The following LRRTM4 variants were observed in gnomAD, a reference collection of about 807,000 sequenced individuals.
LRRTM4 encodes leucine-rich repeat transmembrane neuronal protein 4.
LRRTM4 carries 25 observed loss-of-function variants against 47.6 expected under a neutral mutation model. The observed-to-expected ratio is 0.53, with a 90% CI of 0.38 to 0.73. The LOEUF (loss-of-function observed/expected upper bound fraction) is 0.73, where lower values mean the gene tolerates loss of function less well. Among genes scored for constraint, LRRTM4 ranks in the 30% least tolerant of loss-of-function variants. The pLI, the probability that LRRTM4 is intolerant of heterozygous loss-of-function variation, is 0.00. For synonymous variants in LRRTM4, 311 were observed against 269.5 expected, an observed-to-expected ratio of 1.15 and a Z score of -1.51; for missense variants, 638 against 713.4, an observed-to-expected ratio of 0.89 and a Z score of 1.20.
intron 3 of LRRTM4, among the ~76,000 whole-genome samples, chr2:77,445,436 C>T (rs1383355750): frequency 6.6e-6 from 1 of 151,812 alleles, no homozygotes; most frequent in African/African-American, 2.4e-5. Context: ...ACCAAATGCC[C>T]AGCATATTTT....
intron 3 of LRRTM4, among the ~76,000 whole-genome samples, chr2:76,930,677 A>C (rs1674742078): frequency 6.6e-6 from 1 of 152,132 alleles, no homozygotes; most frequent in Admixed American, 6.5e-5. Flanking sequence ...GGAAGGAGCA[A>C]TGGATGTGGA....
At chr2:77,334,073 G>T (rs1406140373) in intron 3 of LRRTM4, among the ~76,000 whole-genome samples, 1 of 152,046 alleles carries the variant, frequency 6.6e-6, no homozygotes, top group Non-Finnish European at 1.5e-5. Context: ...TCTTTGTGTT[G>T]GCCAAATTCT....
At chr2:77,134,206 T>A (rs1671873912) in intron 3 of LRRTM4, among the ~76,000 whole-genome samples, 1 of 152,114 alleles carries the variant, frequency 6.6e-6, no homozygotes, top group Non-Finnish European at 1.5e-5. Flanking sequence ...ACATTTTTGT[T>A]CTAAAGAAAG....
chr2:77,242,916 A>T (rs1448996627), intron 3 of LRRTM4, among the ~76,000 whole-genome samples: 1 of 152,180 alleles, frequency 6.6e-6, no homozygotes. Flanking sequence ...AAAAGTATCT[A>T]TACACCCGTG....
chr2:77,021,868 T>G (rs75116199), intron 3 of LRRTM4, among the ~76,000 whole-genome samples: 2 of 152,210 alleles, frequency 1.3e-5, no homozygotes, highest in Admixed American at 1.3e-4. Context: ...GTTTAATGAT[T>G]GCCACACCCA....
chr2:77,229,681 T>C (rs1674911399), intron 3 of LRRTM4, among the ~76,000 whole-genome samples: 1 of 152,106 alleles, frequency 6.6e-6, no homozygotes, highest in Admixed American at 6.6e-5. Context: ...ACCTCTGCAG[T>C]CTATGGCATC....
intron 3 of LRRTM4, among the ~76,000 whole-genome samples, chr2:77,213,092 T>C (rs1387398817): frequency 6.6e-6 from 1 of 152,176 alleles, no homozygotes; most frequent in Non-Finnish European, 1.5e-5. Flanking sequence ...GAATAGTAAT[T>C]TTCCTAGACA....
At chr2:77,295,879 A>G (rs1676959921) in intron 3 of LRRTM4, among the ~76,000 whole-genome samples, 2 of 152,140 alleles carry the variant, frequency 1.3e-5, no homozygotes, top group South Asian at 4.1e-4. Context: ...AGATATTTGG[A>G]CATTCTGAGG....
intron 3 of LRRTM4, among the ~76,000 whole-genome samples, chr2:77,327,752 C>T (rs1180457259): frequency 6.6e-6 from 1 of 151,844 alleles, no homozygotes; most frequent in Non-Finnish European, 1.5e-5. Context: ...AGGGTTATCC[C>T]CCTTGAAACC....
intron 3 of LRRTM4, among the ~76,000 whole-genome samples, chr2:76,845,670 G>A (rs1671817292): frequency 6.6e-6 from 1 of 152,164 alleles, no homozygotes; most frequent in Non-Finnish European, 1.5e-5. Flanking sequence ...CACCAGGGGA[G>A]CTAACATGAA....
intron 3 of LRRTM4, among the ~76,000 whole-genome samples, chr2:76,788,174 T>G (rs548742904): frequency 1.3e-5 from 2 of 152,096 alleles, no homozygotes; most frequent in Non-Finnish European, 2.9e-5. Flanking sequence ...AAATAAATAG[T>G]TCCAGTAGAA....
chr2:77,285,640 G>A (rs1676634952), intron 3 of LRRTM4, among the ~76,000 whole-genome samples: 1 of 151,796 alleles, frequency 6.6e-6, no homozygotes, highest in Admixed American at 6.6e-5. Flanking sequence ...TACTTGGGAG[G>A]CTGAGGCAGG....
At chr2:76,749,581 G>A (rs1048331544) in intron 3 of LRRTM4, among the ~76,000 whole-genome samples, 12 of 152,082 alleles carry the variant, frequency 7.9e-5, no homozygotes. Flanking sequence ...ACATCTTTAT[G>A]TTCATAATAT....
chr2:76,917,161 C>G (rs1674280365), intron 3 of LRRTM4, among the ~76,000 whole-genome samples: 2 of 152,150 alleles, frequency 1.3e-5, no homozygotes, highest in South Asian at 4.1e-4. Flanking sequence ...CTCTACCATT[C>G]TAGCATGAAA....
At chr2:76,750,894 A>G (rs910105376) in intron 3 of LRRTM4, among the ~76,000 whole-genome samples, 4 of 152,212 alleles carry the variant, frequency 2.6e-5, no homozygotes, top group African/African-American at 7.2e-5. Context: ...GATTAAAGCA[A>G]TGTTTTCTAT....
chr2:77,508,545 TTATTA>T (rs1250663440), intron 3 of LRRTM4, among the ~76,000 whole-genome samples: 2 of 152,146 alleles, frequency 1.3e-5, no homozygotes, highest in East Asian at 3.9e-4. Context: ...AAATGTAACA[TTATTA>T]TTTTGTCTTT....
chr2:76,816,819 GTTTTTTTT>G (rs201525166), intron 3 of LRRTM4, among the ~76,000 whole-genome samples: 4 of 96,548 alleles, frequency 4.1e-5, no homozygotes, highest in African/African-American at 1.3e-4. Flanking sequence ...GAGGTAAAGA[GTTTTTTTT>G]TTTTTTTTTT....
Position 77,045,215 on chromosome 2 carries a change from ATGTT to A in LRRTM4, c.1552-296303_1552-296300del, listed in dbSNP as rs576703676. 3.8e-3 allele frequency among the ~76,000 whole-genome samples: 585 copies of A among 152,032 alleles called. 2 individuals carry two copies. The highest frequency in any genetic ancestry group is 5.6e-3 in the Non-Finnish European group (379 of 67,910). ...TAAAGTCAGCATTCTTACTTTTTAA[ATGTT>A]TGTTACAAAACTTTTCAAATCTCAC... On this transcript the variant is annotated intron_variant, in intron 3 of 3. Transcript: ENST00000409884.
rs557791578 is a variant in LRRTM4 at position 76,966,383 on chromosome 2, A to G, written c.1552-217467T>C. ...CAAGAAGGGGGTTAGGAGTAATTAC[A>G]TGTATTTTTTGGTCTGTTGTGTGTT... On this transcript the variant is annotated intron_variant, in intron 3 of 3. Coordinates refer to ENST00000409884, the MANE Select transcript of LRRTM4 (RefSeq NM_001134745.3). 2.6e-5 allele frequency among the ~76,000 whole-genome samples: 4 copies of G among 151,460 alleles called. No homozygotes were observed. The East Asian group carries it at 7.8e-4, about 30-fold the overall frequency.
Sources: allele counts gnomAD v4.1 joint callset (sites outside exome capture counted in the v4.1 genomes callset), GRCh38; gene constraint gnomAD v4.1.1; transcripts MANE v1.5; gene names NCBI Gene and HGNC (gene_info 2026-07-23, HGNC 2026-07-21).